The following VPS41 variants were observed in gnomAD, a reference collection of about 807,000 sequenced individuals.
The protein encoded by VPS41 is vacuolar protein sorting-associated protein 41 homolog.
In VPS41, 85 loss-of-function variants were observed where a neutral mutation model predicts 130.9. The ratio of observed to expected loss-of-function variants is 0.65; its 90% CI spans 0.55 to 0.78. VPS41 has a LOEUF of 0.78. VPS41 is among the 30% of genes least tolerant of loss of function. The pLI, the probability that VPS41 is intolerant of heterozygous loss-of-function variation, is 0.00. For synonymous variants in VPS41, 335 were observed against 332.9 expected (o/e 1.01, Z -0.07); for missense variants, 874 against 1,018.7 (o/e 0.86, Z 1.93).
intron 22 of VPS41, among the ~76,000 whole-genome samples, chr7:38,747,650 T>C (rs1796013026): frequency 6.6e-6 from 1 of 152,244 alleles, no homozygotes; most frequent in Non-Finnish European, 1.5e-5. Context: ...TCACCTGAGT[T>C]ATCCAAGACA....
At chr7:38,782,284 G>A (rs905856458) in intron 10 of VPS41, among the ~76,000 whole-genome samples, 2 of 152,142 alleles carry the variant, frequency 1.3e-5, no homozygotes, top group African/African-American at 4.8e-5. Flanking sequence ...CAGCCTCTTG[G>A]CCTTTCCAGT....
At chr7:38,892,365 G>A (rs1260342538) in intron 2 of VPS41, among the ~76,000 whole-genome samples, 2 of 152,108 alleles carry the variant, frequency 1.3e-5, no homozygotes, top group East Asian at 1.9e-4. Flanking sequence ...TCTGTAAACT[G>A]GAAGTGATCA....
At chr7:38,853,955 G>A (rs1251626557) in intron 4 of VPS41, among the ~76,000 whole-genome samples, 3 of 152,156 alleles carry the variant, frequency 2.0e-5, no homozygotes, top group African/African-American at 7.2e-5. Flanking sequence ...AGCCACTTTG[G>A]TGCGTAGAAG....
chr7:38,893,246 C>T (rs1401526644), intron 2 of VPS41, among the ~76,000 whole-genome samples: 1 of 152,232 alleles, frequency 6.6e-6, no homozygotes, highest in African/African-American at 2.4e-5. Context: ...GCTAAACATA[C>T]ATACATACTC....
At chr7:38,842,008 G>A (rs893011529) in intron 4 of VPS41, among the ~76,000 whole-genome samples, 1 of 152,176 alleles carries the variant, frequency 6.6e-6, no homozygotes, top group Admixed American at 6.5e-5. Context: ...CTTTAGAGCT[G>A]CATATTCACA....
At chr7:38,809,365 T>TAA (rs1784898719) in intron 7 of VPS41, among the ~76,000 whole-genome samples, 1 of 138,054 alleles carries the variant, frequency 7.2e-6, no homozygotes, top group Non-Finnish European at 1.7e-5. Context: ...TATATATATA[T>TAA]AATATAAAAT....
At chr7:38,818,169 A>C (rs1785097020) in intron 6 of VPS41, among the ~76,000 whole-genome samples, 1 of 152,052 alleles carries the variant, frequency 6.6e-6, no homozygotes, top group African/African-American at 2.4e-5. Flanking sequence ...TAGAGGCAGC[A>C]AGGGAGGTCA....
intron 3 of VPS41, among the ~76,000 whole-genome samples, chr7:38,864,613 T>G (rs1786188753): frequency 6.6e-6 from 1 of 152,204 alleles, no homozygotes; most frequent in African/African-American, 2.4e-5. Flanking sequence ...GAGTCATATT[T>G]TCATCATTTG....
In VPS41 at chr7:38,771,140, C is replaced by CT; in HGVS notation, c.1185+57dup. On this transcript the variant is annotated intron_variant, in intron 14 of 28. Transcript: ENST00000310301. ...CTGTTCTTTTCAAATTATTTTCAGT[C>CT]TCACTATAACTTATTGAAAGATAAA... is the stretch of plus-strand genomic sequence containing the variant. 4 of 1,212,114 alleles carry CT rather than the reference C, an allele frequency of 3.3e-6. No homozygotes were observed. In the South Asian group the frequency reaches 4.0e-5, roughly 12 times the overall value. 75.1% of individuals were successfully genotyped at this position (1,212,114 alleles called of 1,614,324 possible). A position where few individuals can be genotyped will look rare whatever the true frequency, so the allele number is the denominator to read the frequency against.
In VPS41 at chr7:38,869,200, C is replaced by G; in HGVS notation, c.114G>C (p.Gly38=). 1 of 1,612,538 alleles carries G rather than the reference C, an allele frequency of 6.2e-7. No individual in the cohort carries two copies. The highest frequency in any genetic ancestry group is 8.5e-7 in the Non-Finnish European group (1 of 1,179,020). The stretch of plus-strand genomic sequence containing the variant: ...CATCCTTCTGAAGTATTTCAGTTAC[C>G]CCATTGGAAAGCCTTTCATACTTCA... The part of the protein sequence containing the change: ...PKLKYERLSN[G]VTEILQKDAA... The change falls in exon 3 of 29, where the codon GGG becomes GGC. Residue 38 remains glycine, a synonymous_variant. Coordinates refer to ENST00000310301, the MANE Select transcript of VPS41 (RefSeq NM_014396.4).
At chr7:38,787,002 A>T (rs904575690) in intron 10 of VPS41, among the ~76,000 whole-genome samples, 3 of 152,242 alleles carry the variant, frequency 2.0e-5, no homozygotes, top group African/African-American at 7.2e-5. Flanking sequence ...GACTGAAAAA[A>T]GAATGATGTG....
chr7:38,835,517 G>A (rs1343805697), intron 4 of VPS41, among the ~76,000 whole-genome samples: 1 of 151,856 alleles, frequency 6.6e-6, no homozygotes, highest in Admixed American at 6.6e-5. Flanking sequence ...CATTAATCTA[G>A]TTATTAATAA....
At chr7:38,766,582 T>C (rs1196042309) in intron 15 of VPS41, among the ~76,000 whole-genome samples, 1 of 152,184 alleles carries the variant, frequency 6.6e-6, no homozygotes, top group Non-Finnish European at 1.5e-5. Context: ...GACAAGGTGA[T>C]AGGGTTTGGC....
rs200552358 is a variant in VPS41 at position 38,817,983 on chromosome 7, CT to C, written c.385-102del. On this transcript the variant is annotated intron_variant, in intron 6 of 28. Coordinates refer to ENST00000310301, the MANE Select transcript of VPS41 (RefSeq NM_014396.4). Reference sequence around the variant, plus strand: ...CAAGCAGCATGATCTAAAAATTATCCTGAAACCTTGGTAGGAAGTAATATAT... The same window carrying C: ...CAAGCAGCATGATCTAAAAATTATCCGAAACCTTGGTAGGAAGTAATATAT... 4.5e-3 allele frequency: 4,029 copies of C among 894,258 alleles called. 92 individuals carry two copies. The African/African-American group carries it at 0.051, about 11-fold the overall frequency. 55.4% of individuals were successfully genotyped at this position (894,258 alleles called of 1,614,324 possible). A position where few individuals can be genotyped will look rare whatever the true frequency, so the allele number is the denominator to read the frequency against.
chr7:38,878,476 A>C (rs998372800), intron 2 of VPS41, among the ~76,000 whole-genome samples: 15 of 152,174 alleles, frequency 9.9e-5, no homozygotes, highest in African/African-American at 3.1e-4. Context: ...CAAAACTCCC[A>C]AACAGTACAC....
intron 7 of VPS41, among the ~76,000 whole-genome samples, chr7:38,803,169 C>A (rs779786479): frequency 6.6e-6 from 1 of 152,224 alleles, no homozygotes; most frequent in Non-Finnish European, 1.5e-5. Context: ...AGCCCAGAAT[C>A]TCCCACATGT....
chr7:38,897,788 G>A (rs1047836883), intron 2 of VPS41, among the ~76,000 whole-genome samples: 2 of 152,144 alleles, frequency 1.3e-5, no homozygotes, highest in African/African-American at 4.8e-5. Context: ...CAGGTGAGGG[G>A]GATGTTAAAG....
intron 2 of VPS41, among the ~76,000 whole-genome samples, chr7:38,889,573 A>AAAAAAAAC (rs1562625397): frequency 6.9e-6 from 1 of 145,506 alleles, no homozygotes; most frequent in African/African-American, 2.5e-5. Flanking sequence ...AAAAAAAAAA[A>AAAAAAAAC]ACCTTAAAAC....
chr7:38,874,903 TG>T (rs1246821978), intron 2 of VPS41, among the ~76,000 whole-genome samples: 2 of 152,176 alleles, frequency 1.3e-5, no homozygotes, highest in Non-Finnish European at 2.9e-5. Flanking sequence ...ATCAAAATCC[TG>T]TATCAGAACA....
Sources: gnomAD v4.1 joint callset for allele counts (sites outside exome capture counted in the v4.1 genomes callset) on GRCh38, gnomAD v4.1.1 for gene constraint, MANE v1.5 for transcripts, NCBI Gene and HGNC (gene_info 2026-07-23, HGNC 2026-07-21) for gene names.